Variants in GLIS3 observed in about 807,000 individuals in gnomAD.
GLIS3 encodes zinc finger protein GLIS3.
Under a neutral mutation model 78.6 loss-of-function variants are expected in GLIS3, and 53 were observed. That is an observed-to-expected ratio of 0.67 (90% CI 0.54 to 0.85). The LOEUF is 0.85. GLIS3 is among the 40% of genes least tolerant of loss of function. The pLI is 0.00. For missense variants in GLIS3, 1,703 were observed against 1,231.1 expected (o/e 1.38, Z -5.74); for synonymous variants, 684 against 509.9 (o/e 1.34, Z -4.60).
At chr9:4,160,605 T>G (rs1340295280) in intron 2 of GLIS3, among the ~76,000 whole-genome samples, 1 of 152,244 alleles carries the variant, frequency 6.6e-6, no homozygotes, top group African/African-American at 2.4e-5. Flanking sequence ...AACCCAAGCT[T>G]GTTTGACAGT....
chr9:3,888,199 C>CT (rs1184435605), intron 7 of GLIS3, among the ~76,000 whole-genome samples: 2 of 152,096 alleles, frequency 1.3e-5, no homozygotes, highest in Admixed American at 6.5e-5. Flanking sequence ...GATCCCTCAC[C>CT]TTTTTTTGGA....
chr9:4,339,584 C>G (rs1309026273), intron 2 of GLIS3, among the ~76,000 whole-genome samples: 1 of 150,562 alleles, frequency 6.6e-6, no homozygotes, highest in Non-Finnish European at 1.5e-5. Context: ...GCTTCTGGTC[C>G]TTCTGTGATC....
At chr9:3,953,795 C>CTCTCTCTATATATATATA (rs1403671770) in intron 4 of GLIS3, among the ~76,000 whole-genome samples, 7 of 73,314 alleles carry the variant, frequency 9.5e-5, no homozygotes, top group African/African-American at 3.4e-4. Context: ...CTCTCTCTCT[C>CTCTCTCTATATATATATA]TATATATATA....
chr9:4,489,593 A>C, the GLIS3 span, among the ~76,000 whole-genome samples: 1 of 152,202 alleles, frequency 6.6e-6, no homozygotes, highest in Non-Finnish European at 1.5e-5. Context: ...TCAGAAATTC[A>C]CTTAGCAACA....
chr9:4,322,159 C>G lies in GLIS3; in HGVS notation n.265-11631G>C, dbSNP rs370569205. 6.2e-4 allele frequency among the ~76,000 whole-genome samples: 95 copies of G among 152,194 alleles called. No homozygotes were observed. The East Asian group carries it at 8.5e-3, about 14-fold the overall frequency. ...TTTTCCATCCTTGTGATAGTTTGCT[C>G]AGAATGATGGTTTCCAGCTTCATCC... On this transcript the variant is annotated intron_variant and non_coding_transcript_variant, in intron 2 of 4. Coordinates refer to the GLIS3 transcript ENST00000471664.
chr9:3,954,234 G>T (rs1211989910), intron 4 of GLIS3, among the ~76,000 whole-genome samples: 1 of 152,184 alleles, frequency 6.6e-6, no homozygotes, highest in Non-Finnish European at 1.5e-5. Flanking sequence ...AGGCACCAGG[G>T]AGAAATCTAT....
chr9:4,323,341 G>T (rs1817564162), intron 2 of GLIS3, among the ~76,000 whole-genome samples: 1 of 152,052 alleles, frequency 6.6e-6, no homozygotes, highest in Non-Finnish European at 1.5e-5. Flanking sequence ...ACAACATATT[G>T]TTCCCTTTTC....
At chr9:3,849,956 T>A (rs763955744) in intron 9 of GLIS3, among the ~76,000 whole-genome samples, 3 of 151,626 alleles carry the variant, frequency 2.0e-5, no homozygotes, top group African/African-American at 4.9e-5. Flanking sequence ...AACTGCACAC[T>A]GGGGTTGTTG....
intron 2 of GLIS3, 54 bp downstream of exon 2, chr9:4,285,984 G>C: frequency 6.2e-7 from 1 of 1,601,488 alleles, no homozygotes; most frequent in Non-Finnish European, 8.6e-7. Context: ...AAAATGGGAT[G>C]GGGGAGAAAA....
intron 2 of GLIS3, among the ~76,000 whole-genome samples, chr9:4,282,544 G>C (rs542340167): frequency 4.6e-5 from 7 of 152,162 alleles, no homozygotes; most frequent in Non-Finnish European, 8.8e-5. Context: ...TGAAACATCA[G>C]CTCTTCCTGG....
intron 2 of GLIS3, among the ~76,000 whole-genome samples, chr9:4,338,650 GGACA>G (rs1376237628): frequency 1.3e-5 from 2 of 152,116 alleles, no homozygotes; most frequent in African/African-American, 4.8e-5. Flanking sequence ...TGAAGTTTGG[GGACA>G]GACCCAGGGA....
chr9:4,382,767 T>A, the GLIS3 span, among the ~76,000 whole-genome samples: 1 of 152,178 alleles, frequency 6.6e-6, no homozygotes, highest in Non-Finnish European at 1.5e-5. Flanking sequence ...CCCTTCAAGA[T>A]CAGGGCCTTT....
chr9:4,431,525 C>T, the GLIS3 span, among the ~76,000 whole-genome samples: 1 of 152,082 alleles, frequency 6.6e-6, no homozygotes, highest in African/African-American at 2.4e-5. Context: ...ACTCTTAGTC[C>T]AGAGGCTGGC....
In GLIS3 at chr9:4,187,940, A is replaced by C. The variant is rs534401636; in HGVS notation, c.389-61999T>G. ...CTAGATATACAATCATGTCATCTGC[A>C]AACAGGGACAATCTGACTTCCTCTT... On this transcript the variant is annotated intron_variant, in intron 2 of 10. Transcript: ENST00000381971. 2.6e-5 allele frequency among the ~76,000 whole-genome samples: 4 copies of C among 152,212 alleles called. No individual in the cohort carries two copies. In the South Asian group the frequency reaches 8.3e-4, roughly 32 times the overall value.
rs866224534 is a variant in GLIS3 at position 4,311,963 on chromosome 9, C to G, written n.265-1435G>C. Among the ~76,000 whole-genome samples, 9 of 152,122 alleles carry G rather than the reference C, an allele frequency of 5.9e-5. 1 individual carries two copies. Among genetic ancestry groups the G allele is most frequent in the African/African-American group, 2.2e-4 (9 of 41,528 alleles). On this transcript the variant is annotated intron_variant and non_coding_transcript_variant, in intron 2 of 4. Transcript: ENST00000471664. ...CACGTGGACACAGAGAGAAGAACTA[C>G]AGACAGTGGGGTCCACCCAATGGTG... is the stretch of plus-strand genomic sequence containing the variant.
chr9:4,264,126 A>T (rs1333088171), intron 2 of GLIS3, among the ~76,000 whole-genome samples: 1 of 152,216 alleles, frequency 6.6e-6, no homozygotes, highest in Non-Finnish European at 1.5e-5. Context: ...CAGAAACCTG[A>T]TCTCTGACCC....
intron 4 of GLIS3, among the ~76,000 whole-genome samples, chr9:4,116,043 A>T (rs1300153130): frequency 6.6e-6 from 1 of 152,264 alleles, no homozygotes; most frequent in Non-Finnish European, 1.5e-5. Context: ...CTTCAGCAAA[A>T]ATCAACTTTA....
chr9:4,086,670 A>AT (rs970523006), intron 4 of GLIS3, among the ~76,000 whole-genome samples: 4 of 152,290 alleles, frequency 2.6e-5, no homozygotes, highest in South Asian at 4.1e-4. Flanking sequence ...AGAGTTTTAG[A>AT]TTTTTTTACC....
At chr9:4,452,625 A>T in the GLIS3 span, among the ~76,000 whole-genome samples, 2 of 152,116 alleles carry the variant, frequency 1.3e-5, no homozygotes, top group African/African-American at 2.4e-5. Context: ...ATGTGAAGGA[A>T]CTCTTCAAAG....
Sources: allele counts gnomAD v4.1 joint callset (sites outside exome capture counted in the v4.1 genomes callset), GRCh38; gene constraint gnomAD v4.1.1; transcripts MANE v1.5; gene names NCBI Gene and HGNC (gene_info 2026-07-23, HGNC 2026-07-21).